The following PLCG2 variants were observed in gnomAD, a reference collection of about 807,000 sequenced individuals.
The protein encoded by PLCG2 is 1-phosphatidylinositol 4,5-bisphosphate phosphodiesterase gamma-2.
In PLCG2, 69 loss-of-function variants were observed where a neutral mutation model predicts 175.6. That is an observed-to-expected ratio of 0.39 (90% CI 0.32 to 0.48). PLCG2 has a LOEUF of 0.48. Ranked by LOEUF, PLCG2 falls within the 20% of genes least tolerant of loss-of-function variation. The probability of loss-of-function intolerance (pLI) is 0.91; values close to 1 mark genes in which losing one functional copy is unlikely to be tolerated. For synonymous variants in PLCG2, 827 were observed against 624.0 expected, an observed-to-expected ratio of 1.33 and a Z score of -4.85; for missense variants, 1,798 against 1,650.9, an observed-to-expected ratio of 1.09 and a Z score of -1.54.
chr16:81,890,961 G>T (rs1161430588), intron 10 of PLCG2, among the ~76,000 whole-genome samples: 1 of 152,186 alleles, frequency 6.6e-6, no homozygotes, highest in Non-Finnish European at 1.5e-5. Flanking sequence ...TTAGGAGTTT[G>T]AGACCAGCCT....
intron 1 of PLCG2, among the ~76,000 whole-genome samples, chr16:81,741,030 A>G (rs1162072302): frequency 6.6e-6 from 1 of 152,180 alleles, no homozygotes; most frequent in African/African-American, 2.4e-5. Flanking sequence ...ATAGAGCAAG[A>G]GGGGTTCCCC....
intron 2 of PLCG2, among the ~76,000 whole-genome samples, chr16:81,817,294 A>T (rs1164409229): frequency 2.0e-5 from 3 of 152,376 alleles, no homozygotes; most frequent in Non-Finnish European, 2.9e-5. Flanking sequence ...AATGGGAATA[A>T]TATTAGTACC....
chr16:81,959,596 G>A lies in PLCG2; in HGVS notation c.*1598G>A, dbSNP rs562573513. 1.5e-4 allele frequency: 30 copies of A among 196,994 alleles called. No homozygotes were observed. The highest frequency in any genetic ancestry group is 6.2e-4 in the African/African-American group (27 of 43,456). The allele number at this position is 196,994 out of a possible 1,614,324, so 12.2% of individuals were successfully genotyped here. On this transcript the variant is annotated 3_prime_UTR_variant, in exon 33 of 33. Coordinates refer to ENST00000564138, the MANE Select transcript of PLCG2 (RefSeq NM_002661.5). ...GCTGTTATCTGGTGCTATCACTCCA[G>A]TTACTCCTCCAACTGGGAGCTGCTA...
upstream of PLCG2, among the ~76,000 whole-genome samples, chr16:81,775,396 A>T (rs1400195865): frequency 6.6e-6 from 1 of 152,186 alleles, no homozygotes; most frequent in East Asian, 1.9e-4. Flanking sequence ...AGGAAGGGGC[A>T]GACTTGGAAC....
chr16:81,875,713 C>G (rs985330614), intron 7 of PLCG2, among the ~76,000 whole-genome samples: 6 of 152,184 alleles, frequency 3.9e-5, no homozygotes, highest in Middle Eastern at 3.2e-3. Flanking sequence ...CCTGTGAAGT[C>G]CCCTGTGGTT....
rs199835872 is a variant in PLCG2, at chr16:81,883,354, G to T, written c.765+13G>T. 1.9e-5 allele frequency: 30 copies of T among 1,609,488 alleles called. No homozygotes were observed. Among genetic ancestry groups the T allele is most frequent in the Non-Finnish European group, 2.5e-5 (29 of 1,176,176 alleles). On this transcript the variant is annotated intron_variant, in intron 9 of 32. Coordinates refer to ENST00000564138, the MANE Select transcript of PLCG2 (RefSeq NM_002661.5). ...ACATGAACAGCAGGTGAGAGCACAA[G>T]GTGTGTGGGTGCCTGAGGGAGCTGG...
At chr16:81,901,578 C>A (rs1482158779) in intron 14 of PLCG2, among the ~76,000 whole-genome samples, 1 of 152,166 alleles carries the variant, frequency 6.6e-6, no homozygotes, top group Non-Finnish European at 1.5e-5. Context: ...GGCACGTGAA[C>A]TTCAACAGAA....
At chr16:81,859,825 C>T (rs1027600425) in intron 5 of PLCG2, among the ~76,000 whole-genome samples, 10 of 152,094 alleles carry the variant, frequency 6.6e-5, no homozygotes, top group South Asian at 6.2e-4. Flanking sequence ...CATGAGCCAC[C>T]GCGCCCGGCC....
chr16:81,891,443 G>A, intron 10 of PLCG2, 29 bp from the exon 11 acceptor site: 1 of 1,211,912 alleles, frequency 8.3e-7, no homozygotes, highest in Non-Finnish European at 1.2e-6. Context: ...TCAACGTGAT[G>A]ATTCGGTCTT....
In PLCG2 at chr16:81,961,747, C is replaced by T. The variant is rs1320359056; in HGVS notation, c.*3749C>T. ...TAACTTATATTAAGAACCTCCTGGG[C>T]TAAATTTAAAAAGTAATACAACAGT... On this transcript the variant is annotated 3_prime_UTR_variant, in exon 33 of 33. Transcript: ENST00000564138. 2 of 204,910 alleles carry T rather than the reference C, an allele frequency of 9.8e-6. No individual in the cohort carries two copies. Among genetic ancestry groups the T allele is most frequent in the Non-Finnish European group, 1.0e-5 (1 of 100,238 alleles). 12.7% of individuals were successfully genotyped at this position (204,910 alleles called of 1,614,324 possible).
At chr16:81,912,550 G>T (rs767755813) in intron 18 of PLCG2, 47 bp from the exon 19 acceptor site, 15 of 1,604,794 alleles carry the variant, frequency 9.3e-6, no homozygotes, top group Non-Finnish European at 8.5e-7. Context: ...CCCACTGACA[G>T]CCTGGAGACC....
At chr16:81,749,601 G>A (rs532010635) in intron 1 of PLCG2, among the ~76,000 whole-genome samples, 3 of 152,252 alleles carry the variant, frequency 2.0e-5, no homozygotes, top group Admixed American at 6.5e-5. Flanking sequence ...TGATCCATCC[G>A]CCTTGGCCTC....
intron 14 of PLCG2, among the ~76,000 whole-genome samples, chr16:81,903,068 C>A (rs1461768593): frequency 1.3e-5 from 2 of 152,156 alleles, no homozygotes; most frequent in African/African-American, 2.4e-5. Flanking sequence ...AACCATATTA[C>A]CTTCCAAAGC....
rs543136876 is a variant in PLCG2, at chr16:81,878,492, G to A, written c.649-2418G>A. On this transcript the variant is annotated intron_variant, in intron 7 of 32. Transcript: ENST00000564138. ...CTATAACTTTTTCTATCTTTAGAAC[G>A]TCTTCCTTGATCACCTGTGCCCCAT... 6.4e-4 allele frequency among the ~76,000 whole-genome samples: 97 copies of A among 152,224 alleles called. 1 individual carries two copies. The South Asian group carries it at 0.016, about 25-fold the overall frequency.
At position 81,900,777 on chromosome 16, in the gene PLCG2, C is replaced by T; in HGVS notation, c.1359C>T (p.Ile453=). ...SPSQLREKII[I]KHKKLGPRGD... ...GCCAGCTGCGGGAGAAGATCATCAT[C>T]AAGGTAGGCACCCCGGGTGCTGCTG... The change falls in exon 14 of 33, where the codon ATC becomes ATT. Residue 453 remains isoleucine, a synonymous_variant. Transcript: ENST00000564138. 6.3e-7 allele frequency: 1 copy of T among 1,597,504 alleles called. No homozygotes were observed. The highest frequency in any genetic ancestry group is 1.3e-5 in the African/African-American group (1 of 74,746).
chr16:81,763,434 A>G (rs116237067), intron 2 of PLCG2, among the ~76,000 whole-genome samples: 154 of 152,312 alleles, frequency 1.0e-3, no homozygotes, highest in African/African-American at 3.5e-3. Flanking sequence ...GTGGATGCCA[A>G]CTTGGGCTGG....
intron 2 of PLCG2, among the ~76,000 whole-genome samples, chr16:81,825,343 C>T (rs1446602559): frequency 7.2e-6 from 1 of 138,690 alleles, no homozygotes; most frequent in East Asian, 2.1e-4. Flanking sequence ...GGCTGGAGTG[C>T]AATGGCATGA....
chr16:81,858,030 C>G, intron 3 of PLCG2: 1 of 492,888 alleles, frequency 2.0e-6, no homozygotes, highest in Admixed American at 3.2e-5. Flanking sequence ...AGGAAATAAC[C>G]CACTTGTCAT....
chr16:81,839,589 T>C (rs1905713451), intron 2 of PLCG2, among the ~76,000 whole-genome samples: 1 of 152,200 alleles, frequency 6.6e-6, no homozygotes, highest in Non-Finnish European at 1.5e-5. Flanking sequence ...TTAAACTTAA[T>C]TTTATATAGA....
Sources: allele counts gnomAD v4.1 joint callset (sites outside exome capture counted in the v4.1 genomes callset), GRCh38; gene constraint gnomAD v4.1.1; transcripts MANE v1.5; gene names NCBI Gene and HGNC (gene_info 2026-07-23, HGNC 2026-07-21).